The following DNAH3 variants were observed in gnomAD, a reference collection of about 807,000 sequenced individuals.
The protein encoded by DNAH3 is axonemal beta dynein heavy chain 3.
DNAH3 carries 332 observed loss-of-function variants against 432.5 expected under a neutral mutation model. The observed-to-expected ratio is 0.77, with a 90% CI of 0.70 to 0.84. DNAH3 has a LOEUF of 0.84. Ranked by LOEUF, DNAH3 falls within the 40% of genes least tolerant of loss-of-function variation. The pLI is 0.00. For missense variants in DNAH3, 4,861 were observed against 5,114.0 expected (o/e 0.95, Z 1.51); for synonymous variants, 1,956 against 1,900.2 (o/e 1.03, Z -0.76).
intron 10 of DNAH3, 42 bp downstream of exon 11, chr16:21,121,903 G>A: frequency 6.5e-7 from 1 of 1,532,978 alleles, no homozygotes; most frequent in Non-Finnish European, 8.9e-7. Context: ...TATTCACTAA[G>A]TGAAAAAATC....
intron 52 of DNAH3, among the ~76,000 whole-genome samples, chr16:20,967,251 C>T (rs1190872938): frequency 6.6e-6 from 1 of 152,192 alleles, no homozygotes; most frequent in Non-Finnish European, 1.5e-5. Flanking sequence ...AATATACTCA[C>T]TCAATTCCAT....
At position 20,943,012 on chromosome 16, in the gene DNAH3, C is replaced by T. The variant is rs181449185; in HGVS notation, c.11512-1469G>A. Among the ~76,000 whole-genome samples, 173 of 152,090 alleles carry T rather than the reference C, an allele frequency of 1.1e-3. 3 individuals are homozygous for T. Among genetic ancestry groups the T allele is most frequent in the East Asian group, 7.9e-3 (41 of 5,174 alleles). On this transcript the variant is annotated intron_variant, in intron 58 of 61. Coordinates refer to ENST00000261383, the Ensembl canonical transcript of DNAH3. ...ATCACAGCCTCACTGCAGCCTCGAC[C>T]TCCTGGGTTCAAGTGATCCTCCTGC...
At chr16:20,957,084 T>C (rs1416753095) in intron 54 of DNAH3, among the ~76,000 whole-genome samples, 1 of 152,212 alleles carries the variant, frequency 6.6e-6, no homozygotes, top group Admixed American at 6.6e-5. Flanking sequence ...GGAAGTTTTA[T>C]ATGAAGACAA....
chr16:20,995,151 G>T (rs1463330370), intron 44 of DNAH3, among the ~76,000 whole-genome samples: 1 of 152,130 alleles, frequency 6.6e-6, no homozygotes, highest in Non-Finnish European at 1.5e-5. Flanking sequence ...TCGCCAAGTT[G>T]CCCAGGCTGG....
intron 31 of DNAH3, among the ~76,000 whole-genome samples, chr16:21,049,303 T>G (rs2089855744): frequency 6.6e-6 from 1 of 152,208 alleles, no homozygotes; most frequent in African/African-American, 2.4e-5. Context: ...CATGAACTTA[T>G]GCAGAATCTC....
intron 61 of DNAH3, among the ~76,000 whole-genome samples, chr16:20,934,217 C>A (rs2083508565): frequency 6.6e-6 from 1 of 152,088 alleles, no homozygotes; most frequent in South Asian, 2.1e-4. Context: ...GAATTTTTTC[C>A]CATTTCTAAT....
At chr16:21,125,424 C>A in intron 8 of DNAH3, 54 bp from the exon 10 acceptor site, 2 of 1,468,896 alleles carry the variant, frequency 1.4e-6, no homozygotes, top group Non-Finnish European at 1.8e-6. Context: ...TCCGAGGAAC[C>A]CACTTGCCGT....
intron 18 of DNAH3, among the ~76,000 whole-genome samples, chr16:21,094,617 G>T (rs2091627319): frequency 6.7e-6 from 1 of 148,716 alleles, no homozygotes; most frequent in African/African-American, 2.5e-5. Context: ...GCTGCAGTGA[G>T]CCGAGATCAC....
chr16:21,154,602 C>T (rs937795390), intron 1 of DNAH3, among the ~76,000 whole-genome samples: 1 of 152,150 alleles, frequency 6.6e-6, no homozygotes, highest in Non-Finnish European at 1.5e-5. Flanking sequence ...ACTTAGTAGA[C>T]ATCATGTCTT....
chr16:21,024,189 C>T (rs1285214975), intron 39 of DNAH3, among the ~76,000 whole-genome samples: 1 of 152,114 alleles, frequency 6.6e-6, no homozygotes, highest in Non-Finnish European at 1.5e-5. Flanking sequence ...GGTGCAGAGT[C>T]CAGGTTACAG....
chr16:20,942,897 G>A (rs1348901616), intron 58 of DNAH3, among the ~76,000 whole-genome samples: 1 of 151,750 alleles, frequency 6.6e-6, no homozygotes, highest in East Asian at 1.9e-4. Context: ...CAGGTTTTGG[G>A]TTTTTTTTCA....
chr16:21,047,012 C>T (rs1206848922), intron 31 of DNAH3, among the ~76,000 whole-genome samples: 1 of 152,088 alleles, frequency 6.6e-6, no homozygotes, highest in Non-Finnish European at 1.5e-5. Flanking sequence ...CCCCCACTCT[C>T]TTCTGGCTTG....
intron 19 of DNAH3, among the ~76,000 whole-genome samples, chr16:21,086,473 T>C (rs930784555): frequency 6.6e-6 from 1 of 152,172 alleles, no homozygotes; most frequent in Admixed American, 6.5e-5. Flanking sequence ...TTTTTGTGTA[T>C]CCTAGGTCAA....
chr16:20,940,350 T>C (rs1353968751), intron 59 of DNAH3, among the ~76,000 whole-genome samples: 1 of 151,776 alleles, frequency 6.6e-6, no homozygotes, highest in Non-Finnish European at 1.5e-5. Flanking sequence ...GCGTGAGTGA[T>C]CATGCTCAGC....
At chr16:21,000,432 C>T (rs750803766) in exon 43 of DNAH3, 1 of 1,613,940 alleles carries the variant, frequency 6.2e-7, no homozygotes, top group African/African-American at 1.3e-5. Flanking sequence ...GACCCACGAA[C>T]AGCATTGGAA....
At chr16:21,057,443 CAAT>C (rs2090175003) in intron 27 of DNAH3, among the ~76,000 whole-genome samples, 1 of 152,138 alleles carries the variant, frequency 6.6e-6, no homozygotes, top group Admixed American at 6.6e-5. Context: ...AACCCTCCCA[CAAT>C]ATTATGATGT....
chr16:20,948,344 A>G (rs1297140485), intron 57 of DNAH3, 139 bp downstream of exon 57: 1 of 852,322 alleles, frequency 1.2e-6, no homozygotes, highest in Non-Finnish European at 1.8e-6. Context: ...TTTTGGGAAT[A>G]TTGGGAATAG....
intron 1 of DNAH3, among the ~76,000 whole-genome samples, chr16:21,157,006 C>CAG (rs1446542131): frequency 6.6e-6 from 1 of 151,770 alleles, no homozygotes. Flanking sequence ...AACACACACA[C>CAG]ACACACACAC....
At chr16:20,985,956 A>G (rs930577766) in intron 47 of DNAH3, among the ~76,000 whole-genome samples, 1 of 151,890 alleles carries the variant, frequency 6.6e-6, no homozygotes, top group African/African-American at 2.4e-5. Flanking sequence ...CCTGGGTTCA[A>G]GCGATTCTCC....
Sources: gnomAD v4.1 joint callset for allele counts (sites outside exome capture counted in the v4.1 genomes callset) on GRCh38, gnomAD v4.1.1 for gene constraint, MANE v1.5 for transcripts, NCBI Gene and HGNC (gene_info 2026-07-23, HGNC 2026-07-21) for gene names.